The following ZBTB20 variants were observed in gnomAD, a reference collection of about 807,000 sequenced individuals.
ZBTB20 encodes zinc finger and BTB domain containing 20, also known as zinc finger and BTB domain-containing protein 20.
ZBTB20 carries 9 observed loss-of-function variants against 56.9 expected under a neutral mutation model. The ratio of observed to expected loss-of-function variants is 0.16; its 90% CI spans 0.10 to 0.28. ZBTB20 has a LOEUF of 0.28. Among genes scored for constraint, ZBTB20 ranks in the 10% least tolerant of loss-of-function variants. ZBTB20 has a pLI of 1.00. For missense variants in ZBTB20, 655 were observed against 1,003.0 expected, an observed-to-expected ratio of 0.65 and a Z score of 4.69; for synonymous variants, 417 against 420.7, an observed-to-expected ratio of 0.99 and a Z score of 0.11.
chr3:114,966,749 C>T (rs2077663849), intron 3 of ZBTB20, among the ~76,000 whole-genome samples: 1 of 145,630 alleles, frequency 6.9e-6, no homozygotes, highest in South Asian at 2.1e-4. Context: ...TTACATCAGT[C>T]TGTTAAAAAC....
chr3:114,804,868 A>G (rs547760368), intron 4 of ZBTB20, among the ~76,000 whole-genome samples: 3 of 152,018 alleles, frequency 2.0e-5, no homozygotes, highest in Admixed American at 2.0e-4. Flanking sequence ...TCCACATCAA[A>G]AATAATAGTA....
chr3:114,538,272 C>A (rs2048712341), intron 6 of ZBTB20, among the ~76,000 whole-genome samples: 1 of 152,112 alleles, frequency 6.6e-6, no homozygotes, highest in African/African-American at 2.4e-5. Flanking sequence ...AAATGAGACT[C>A]CCTTTTCGAC....
chr3:115,078,850 C>G (rs2082694382), intron 1 of ZBTB20, among the ~76,000 whole-genome samples: 1 of 151,706 alleles, frequency 6.6e-6, no homozygotes, highest in African/African-American at 2.4e-5. Flanking sequence ...AAAGTTGAAC[C>G]CTGAAATTTT....
rs116775900 is a variant in ZBTB20, at chr3:114,920,394, A to C, written c.-455-20052T>G. 1.3e-3 allele frequency among the ~76,000 whole-genome samples: 195 copies of C among 152,328 alleles called. 1 individual carries two copies. The highest frequency in any genetic ancestry group is 4.5e-3 in the African/African-American group (189 of 41,580). On this transcript the variant is annotated intron_variant, in intron 3 of 11. Transcript: ENST00000675478. ...GTTGGGCCACAGAACAAATCTTAAC[A>C]AATTTAGAAAAAACTAAAATTATCT... is the stretch of plus-strand genomic sequence containing the variant.
At chr3:114,619,290 T>C (rs1453565969) in intron 6 of ZBTB20, among the ~76,000 whole-genome samples, 1 of 152,196 alleles carries the variant, frequency 6.6e-6, no homozygotes, top group Non-Finnish European at 1.5e-5. Context: ...CACTTTTCTT[T>C]CTGTGGCTGC....
At position 114,425,713 on chromosome 3, in the gene ZBTB20, G is replaced by GTTAGGGTTAACT. The variant is rs1432880145; in HGVS notation, c.-254-36620_-254-36609dup. ...CTTTTCTCATAATCTACCTCTTTTA[G>GTTAGGGTTAACT]TTAGGGTTAACTAAGTTAGTTAACT... On this transcript the variant is annotated intron_variant, in intron 7 of 11. Coordinates refer to ENST00000675478, the MANE Select transcript of ZBTB20 (RefSeq NM_001348800.3). Among the ~76,000 whole-genome samples the GTTAGGGTTAACT allele has an allele frequency of 1.9e-4, 29 of 152,140 alleles. No homozygotes were observed. In the Middle Eastern group the frequency reaches 0.01, roughly 54 times the overall value.
intron 6 of ZBTB20, among the ~76,000 whole-genome samples, chr3:114,500,975 G>C (rs892461703): frequency 1.1e-4 from 17 of 152,286 alleles, no homozygotes; most frequent in African/African-American, 4.1e-4. Context: ...TTTTGACAAA[G>C]ATGAGTCAAA....
At chr3:114,691,998 T>C (rs2062725697) in intron 6 of ZBTB20, among the ~76,000 whole-genome samples, 1 of 152,070 alleles carries the variant, frequency 6.6e-6, no homozygotes, top group Non-Finnish European at 1.5e-5. Context: ...TAAATCTCCA[T>C]ACCTAGAAGG....
chr3:114,953,501 G>C (rs1199706246), intron 3 of ZBTB20, among the ~76,000 whole-genome samples: 1 of 151,694 alleles, frequency 6.6e-6, no homozygotes, highest in African/African-American at 2.4e-5. Context: ...AATGAAAAAG[G>C]TAGGTTTGAA....
chr3:114,986,396 C>T (rs1193412579), intron 2 of ZBTB20, among the ~76,000 whole-genome samples: 2 of 152,078 alleles, frequency 1.3e-5, no homozygotes, highest in Non-Finnish European at 2.9e-5. Context: ...TATACATTCC[C>T]CTTAACCATG....
At position 114,319,169 on chromosome 3, in the gene ZBTB20, T is replaced by A. The variant is rs1490337831; in HGVS notation, c.*19836A>T. ...ATTAGTTTTTTTCTTTTTTTTTTTT[T>A]AAATAATGTCTTCACCAAAAAAACA... On this transcript the variant is annotated 3_prime_UTR_variant, in exon 12 of 12. Coordinates refer to ENST00000675478, the MANE Select transcript of ZBTB20 (RefSeq NM_001348800.3). The A allele has an allele frequency of 2.0e-5, 3 of 151,392 alleles. No homozygotes were observed. Among genetic ancestry groups the A allele is most frequent in the Admixed American group, 6.6e-5 (1 of 15,200 alleles). The allele number at this position is 151,392 out of a possible 1,614,324, so 9.4% of individuals were successfully genotyped here.
At chr3:114,785,068 C>T (rs972391443) in intron 5 of ZBTB20, among the ~76,000 whole-genome samples, 1 of 152,128 alleles carries the variant, frequency 6.6e-6, no homozygotes, top group Non-Finnish European at 1.5e-5. Flanking sequence ...CTCCAGAATC[C>T]ATACAATATC....
chr3:114,880,594 A>G (rs796127008), intron 4 of ZBTB20, among the ~76,000 whole-genome samples: 53 of 152,328 alleles, frequency 3.5e-4, no homozygotes, highest in African/African-American at 1.3e-3. Context: ...TGACATAATC[A>G]GGGATGTTTA....
intron 6 of ZBTB20, among the ~76,000 whole-genome samples, chr3:114,547,442 G>A (rs2050026046): frequency 6.6e-6 from 1 of 152,146 alleles, no homozygotes. Context: ...AGAACTGGCA[G>A]AATTTAGTGA....
intron 6 of ZBTB20, among the ~76,000 whole-genome samples, chr3:114,540,839 T>G (rs576100605): frequency 1.3e-5 from 2 of 152,118 alleles, no homozygotes; most frequent in Admixed American, 6.6e-5. Context: ...AATTTACAAA[T>G]TAAGCAATTC....
intron 7 of ZBTB20, among the ~76,000 whole-genome samples, chr3:114,401,191 GA>G (rs2086796776): frequency 7.0e-6 from 1 of 141,978 alleles, no homozygotes; most frequent in South Asian, 2.3e-4. Flanking sequence ...CAGCACAATT[GA>G]ATTTTTTTGT....
chr3:114,835,841 C>A (rs2074095060), intron 4 of ZBTB20, among the ~76,000 whole-genome samples: 2 of 152,136 alleles, frequency 1.3e-5, no homozygotes, highest in African/African-American at 4.8e-5. Context: ...AGTTTGACAG[C>A]TGTTAACCCT....
intron 2 of ZBTB20, among the ~76,000 whole-genome samples, chr3:114,990,108 T>C (rs1161963237): frequency 6.6e-6 from 1 of 152,216 alleles, no homozygotes; most frequent in East Asian, 1.9e-4. Context: ...TTCTCCTGCC[T>C]GATTGCCCTG....
chr3:114,892,740 T>C (rs1439676515), intron 4 of ZBTB20, among the ~76,000 whole-genome samples: 1 of 152,164 alleles, frequency 6.6e-6, no homozygotes, highest in African/African-American at 2.4e-5. Context: ...TCTGCCTGAA[T>C]AGTCCCAGGA....
Sources: gnomAD v4.1 joint callset for allele counts (sites outside exome capture counted in the v4.1 genomes callset) on GRCh38, gnomAD v4.1.1 for gene constraint, MANE v1.5 for transcripts, NCBI Gene and HGNC (gene_info 2026-07-23, HGNC 2026-07-21) for gene names.